Variants in SPIRE1 observed in about 807,000 individuals in gnomAD.
SPIRE1 encodes spire type actin nucleation factor 1, also known as protein spire homolog 1.
Under a neutral mutation model 94.1 loss-of-function variants are expected in SPIRE1, and 40 were observed. The observed-to-expected ratio is 0.43, with a 90% confidence interval of 0.33 to 0.55. SPIRE1 has a LOEUF of 0.55. Among genes scored for constraint, SPIRE1 ranks in the 20% least tolerant of loss-of-function variants. The probability of loss-of-function intolerance (pLI) is 0.06; values close to 1 mark genes in which losing one functional copy is unlikely to be tolerated. For missense variants in SPIRE1, 838 were observed against 975.2 expected (o/e 0.86, Z 1.87); for synonymous variants, 376 against 371.7 (o/e 1.01, Z -0.13).
chr18:12,461,414 ATGTGTG>A (rs5823218), intron 12 of SPIRE1, among the ~76,000 whole-genome samples: 28 of 140,038 alleles, frequency 2.0e-4, no homozygotes, highest in East Asian at 7.5e-4. Flanking sequence ...ATACACATGT[ATGTGTG>A]TGTGTGTGTA....
chr18:12,449,968 T>C (rs2031146690), intron 16 of SPIRE1, 72 bp from the exon 17 acceptor site: 1 of 1,433,758 alleles, frequency 7.0e-7, no homozygotes. Flanking sequence ...AAAATATGTA[T>C]AAAAAAAAGT....
intron 2 of SPIRE1, among the ~76,000 whole-genome samples, chr18:12,591,968 CAAAAAAAAAAA>C (rs35668057): frequency 3.0e-5 from 2 of 67,434 alleles, no homozygotes; most frequent in East Asian, 4.6e-4. Context: ...GACTCCATCT[CAAAAAAAAAAA>C]AAAAAAAAAA....
intron 2 of SPIRE1, among the ~76,000 whole-genome samples, chr18:12,628,742 G>A (rs186422278): frequency 1.3e-5 from 2 of 152,188 alleles, no homozygotes; most frequent in Admixed American, 1.3e-4. Flanking sequence ...GTGGTTTGTA[G>A]TTCTCCTTGA....
intron 6 of SPIRE1, 32 bp downstream of exon 6, chr18:12,506,445 C>T: frequency 1.2e-6 from 2 of 1,608,040 alleles, no homozygotes; most frequent in Admixed American, 1.7e-5. Flanking sequence ...AGGAGTGAGC[C>T]ACATGCCCGG....
At chr18:12,466,855 G>A (rs1440670395) in intron 10 of SPIRE1, among the ~76,000 whole-genome samples, 1 of 152,070 alleles carries the variant, frequency 6.6e-6, no homozygotes. Flanking sequence ...TTAAGAATTC[G>A]CTGTTCACCA....
intron 6 of SPIRE1, among the ~76,000 whole-genome samples, chr18:12,504,789 G>C (rs1009080566): frequency 3.3e-5 from 5 of 152,186 alleles, no homozygotes; most frequent in African/African-American, 1.2e-4. Context: ...TAAAGAGATG[G>C]AGAAGACTTT....
chr18:12,493,305 C>A, intron 7 of SPIRE1, 104 bp from the exon 8 acceptor site: 6 of 1,044,828 alleles, frequency 5.7e-6, no homozygotes, highest in Non-Finnish European at 8.2e-6. Flanking sequence ...TTGACTGGAA[C>A]ACTGCTTGAT....
intron 10 of SPIRE1, among the ~76,000 whole-genome samples, chr18:12,477,052 ATCATCTC>A (rs1222094540): frequency 6.6e-6 from 1 of 152,040 alleles, no homozygotes; most frequent in Non-Finnish European, 1.5e-5. Context: ...TGCCTAGCAA[ATCATCTC>A]AAGATTTGGA....
At chr18:12,644,364 G>C (rs1349155377) in intron 1 of SPIRE1, among the ~76,000 whole-genome samples, 1 of 152,052 alleles carries the variant, frequency 6.6e-6, no homozygotes, top group Non-Finnish European at 1.5e-5. Flanking sequence ...GATGAAATGT[G>C]TTCCAAGAGT....
intron 10 of SPIRE1, among the ~76,000 whole-genome samples, chr18:12,471,652 A>G (rs1347681616): frequency 6.6e-6 from 1 of 152,016 alleles, no homozygotes; most frequent in Non-Finnish European, 1.5e-5. Context: ...AGGCATTCTC[A>G]TGTACCGTGA....
chr18:12,449,924 G>A, intron 16 of SPIRE1, 28 bp from the exon 17 acceptor site: 7 of 1,606,504 alleles, frequency 4.4e-6, no homozygotes, highest in Non-Finnish European at 6.0e-6. Context: ...CAGAAGCCCA[G>A]CATTGTTACT....
At chr18:12,510,633 C>T (rs1243816191) in intron 5 of SPIRE1, among the ~76,000 whole-genome samples, 1 of 151,910 alleles carries the variant, frequency 6.6e-6, no homozygotes, top group Admixed American at 6.6e-5. Flanking sequence ...ACCTCCACCT[C>T]CCAGGTTCAA....
chr18:12,487,042 G>A (rs1464192207), intron 8 of SPIRE1, among the ~76,000 whole-genome samples: 3 of 152,052 alleles, frequency 2.0e-5, no homozygotes, highest in Non-Finnish European at 1.5e-5. Flanking sequence ...TAGTAGAGAC[G>A]GGGTTTTGCC....
At chr18:12,626,177 C>T (rs766404284) in intron 2 of SPIRE1, among the ~76,000 whole-genome samples, 3 of 152,070 alleles carry the variant, frequency 2.0e-5, no homozygotes, top group Non-Finnish European at 2.9e-5. Flanking sequence ...CCGTATAAAG[C>T]AGCAAACCCC....
At chr18:12,577,786 ATATC>A (rs1201679546) in intron 2 of SPIRE1, among the ~76,000 whole-genome samples, 9 of 152,238 alleles carry the variant, frequency 5.9e-5, no homozygotes, top group Non-Finnish European at 1.3e-4. Context: ...CTGGGCAAAA[ATATC>A]TATTTTACAT....
chr18:12,484,010 A>T (rs1254725090), intron 9 of SPIRE1, among the ~76,000 whole-genome samples: 1 of 152,230 alleles, frequency 6.6e-6, no homozygotes, highest in Non-Finnish European at 1.5e-5. Flanking sequence ...ACCCTTTTAC[A>T]CTAAGAAATT....
chr18:12,630,888 G>A (rs2037755593), intron 2 of SPIRE1, among the ~76,000 whole-genome samples: 1 of 152,148 alleles, frequency 6.6e-6, no homozygotes, highest in African/African-American at 2.4e-5. Context: ...GGGAATGGCA[G>A]AAATAGAAAA....
chr18:12,467,391 G>A (rs1294302987), intron 10 of SPIRE1, among the ~76,000 whole-genome samples: 5 of 152,298 alleles, frequency 3.3e-5, no homozygotes, highest in Admixed American at 6.5e-5. Flanking sequence ...TCCCAGATAC[G>A]ATGTAGGTCA....
chr18:12,453,809 G>C (rs988392207), intron 13 of SPIRE1, among the ~76,000 whole-genome samples: 1 of 151,568 alleles, frequency 6.6e-6, no homozygotes, highest in African/African-American at 2.4e-5. Context: ...TTATTGAGAC[G>C]GAGTCTCACT....
Sources: gnomAD v4.1 joint callset for allele counts (sites outside exome capture counted in the v4.1 genomes callset) on GRCh38, gnomAD v4.1.1 for gene constraint, MANE v1.5 for transcripts, NCBI Gene and HGNC (gene_info 2026-07-23, HGNC 2026-07-21) for gene names.